Variants in ASCC3 observed in about 807,000 individuals in gnomAD.
The protein encoded by ASCC3 is activating signal cointegrator 1 complex subunit 3, also known as ASC-1 complex subunit P200.
In ASCC3, 158 loss-of-function variants were observed where a neutral mutation model predicts 256.3. That is an observed-to-expected ratio of 0.62 (90% confidence interval 0.54 to 0.70). ASCC3 has a LOEUF of 0.70. Ranked by LOEUF, ASCC3 falls within the 30% of genes least tolerant of loss-of-function variation. The pLI is 0.00. For synonymous variants in ASCC3, 948 were observed against 883.4 expected, an observed-to-expected ratio of 1.07 and a Z score of -1.30; for missense variants, 2,259 against 2,626.0, an observed-to-expected ratio of 0.86 and a Z score of 3.05.
At chr6:100,677,337 T>TAAAAAAAAAA (rs879435725) in intron 14 of ASCC3, among the ~76,000 whole-genome samples, 8 of 147,470 alleles carry the variant, frequency 5.4e-5, no homozygotes, top group South Asian at 2.2e-4. Context: ...CTATTTTATT[T>TAAAAAAAAAA]AAAAAAAAAA....
chr6:100,611,727 T>C (rs1045782784), intron 30 of ASCC3, among the ~76,000 whole-genome samples: 1 of 151,984 alleles, frequency 6.6e-6, no homozygotes, highest in Non-Finnish European at 1.5e-5. Flanking sequence ...TAAAAAATAC[T>C]TGGGTTACCA....
At chr6:100,828,854 T>C (rs1771469589) in intron 4 of ASCC3, among the ~76,000 whole-genome samples, 1 of 152,034 alleles carries the variant, frequency 6.6e-6, no homozygotes, top group South Asian at 2.1e-4. Flanking sequence ...CCAAGCAGGT[T>C]GCCACTGCTA....
intron 13 of ASCC3, among the ~76,000 whole-genome samples, chr6:100,709,274 T>A (rs1448607414): frequency 6.6e-6 from 1 of 152,126 alleles, no homozygotes; most frequent in Non-Finnish European, 1.5e-5. Context: ...AGAAAGATAA[T>A]CACTACAGTA....
chr6:100,678,275 T>C lies in ASCC3; in HGVS notation c.2286+1343A>G, dbSNP rs767102141. ...TTGTCTTTTAAACAGCATAGAGTTGTTTTGTACTTCCAAAGAAATGAAACA... is the reference window on the plus strand; with the variant it reads ...TTGTCTTTTAAACAGCATAGAGTTGCTTTGTACTTCCAAAGAAATGAAACA... On this transcript the variant is annotated intron_variant, in intron 14 of 41. Transcript: ENST00000369162. 3.5e-4 allele frequency among the ~76,000 whole-genome samples: 54 copies of C among 152,230 alleles called. 1 individual carries two copies. Among genetic ancestry groups the C allele is most frequent in the Admixed American group, 1.9e-3 (29 of 15,290 alleles).
chr6:100,704,279 C>G (rs765871886), intron 13 of ASCC3, among the ~76,000 whole-genome samples: 1 of 151,910 alleles, frequency 6.6e-6, no homozygotes, highest in African/African-American at 2.4e-5. Context: ...TCCTTCGACT[C>G]TAGCTTTTAT....
intron 22 of ASCC3, among the ~76,000 whole-genome samples, chr6:100,645,929 G>A (rs1295070103): frequency 6.6e-6 from 1 of 152,066 alleles, no homozygotes; most frequent in Non-Finnish European, 1.5e-5. Flanking sequence ...GGAGAAAGTA[G>A]TCTCAGCAGC....
chr6:100,841,891 C>T (rs1258796638), intron 4 of ASCC3, among the ~76,000 whole-genome samples: 1 of 152,104 alleles, frequency 6.6e-6, no homozygotes, highest in African/African-American at 2.4e-5. Flanking sequence ...ATAAAAGAAG[C>T]TCTTCATTAG....
intron 36 of ASCC3, among the ~76,000 whole-genome samples, chr6:100,586,180 C>A (rs1383468804): frequency 6.6e-6 from 1 of 152,180 alleles, no homozygotes; most frequent in African/African-American, 2.4e-5. Context: ...TGCCCTGTCC[C>A]CAGAGGTGGG....
chr6:100,723,888 A>ATATATATG (rs1554220117), intron 11 of ASCC3, among the ~76,000 whole-genome samples: 10 of 112,918 alleles, frequency 8.9e-5, no homozygotes, highest in African/African-American at 3.3e-4. Context: ...ATATATATAT[A>ATATATATG]TATATATATT....
chr6:100,798,638 A>G (rs981208856), intron 8 of ASCC3, 75 bp downstream of exon 8: 5 of 1,600,820 alleles, frequency 3.1e-6, no homozygotes, highest in Non-Finnish European at 4.2e-6. Flanking sequence ...TTTTAAAACA[A>G]TTTTTCCAGT....
chr6:100,701,776 G>T (rs1778367163), intron 13 of ASCC3, among the ~76,000 whole-genome samples: 1 of 152,132 alleles, frequency 6.6e-6, no homozygotes, highest in African/African-American at 2.4e-5. Flanking sequence ...TTAAAAAAAA[G>T]GGTTTCTCTG....
chr6:100,561,086 T>C (rs1769920205), intron 36 of ASCC3, among the ~76,000 whole-genome samples: 1 of 151,716 alleles, frequency 6.6e-6, no homozygotes, highest in Non-Finnish European at 1.5e-5. Context: ...TACTGATACA[T>C]TGATGTGGTG....
intron 14 of ASCC3, among the ~76,000 whole-genome samples, chr6:100,670,976 C>T (rs985393914): frequency 6.6e-6 from 1 of 151,918 alleles, no homozygotes; most frequent in African/African-American, 2.4e-5. Context: ...ACATATTATA[C>T]AGTTGCAAAA....
At chr6:100,572,512 A>C (rs1770644630) in intron 36 of ASCC3, among the ~76,000 whole-genome samples, 1 of 152,198 alleles carries the variant, frequency 6.6e-6, no homozygotes, top group Non-Finnish European at 1.5e-5. Context: ...ACAACCAATG[A>C]AAAGGGAATA....
At chr6:100,576,160 G>T (rs1770847713) in intron 36 of ASCC3, among the ~76,000 whole-genome samples, 2 of 152,060 alleles carry the variant, frequency 1.3e-5, no homozygotes, top group Non-Finnish European at 2.9e-5. Context: ...AACAGTAGAG[G>T]TGTGAAGCAG....
chr6:100,778,963 T>A (rs1006238030), intron 8 of ASCC3, among the ~76,000 whole-genome samples: 5 of 152,108 alleles, frequency 3.3e-5, no homozygotes, highest in African/African-American at 1.2e-4. Flanking sequence ...GGCAAAAGAA[T>A]CATACACATT....
Position 100,508,429 on chromosome 6 carries a change from A to AT in ASCC3, c.*956dup, listed in dbSNP as rs895823492. ...TAACAAGTTTTTAGTTTGAAAAAGTATTTTTCAAGAAGGAATTTGTTTGGA... is the reference window on the plus strand; with the variant it reads ...TAACAAGTTTTTAGTTTGAAAAAGTATTTTTTCAAGAAGGAATTTGTTTGGA... On this transcript the variant is annotated 3_prime_UTR_variant, in exon 42 of 42. Coordinates refer to ENST00000369162, the MANE Select transcript of ASCC3 (RefSeq NM_006828.4). The AT allele has an allele frequency of 2.4e-4, 36 of 152,264 alleles. No homozygotes were observed. Among genetic ancestry groups the AT allele is most frequent in the South Asian group, 1.4e-3 (7 of 4,830 alleles). 9.4% of individuals were successfully genotyped at this position (152,264 alleles called of 1,614,324 possible).
At position 100,605,704 on chromosome 6, in the gene ASCC3, T is replaced by A. The variant is rs1447529269; in HGVS notation, c.5045-4A>T. The A allele has an allele frequency of 6.2e-7, 1 of 1,613,222 alleles. No homozygotes were observed. Among genetic ancestry groups the A allele is most frequent in the African/African-American group, 1.3e-5 (1 of 74,996 alleles). On this transcript the variant is annotated splice_polypyrimidine_tract_variant and splice_region_variant and intron_variant, in intron 32 of 41. Coordinates refer to ENST00000369162, the MANE Select transcript of ASCC3 (RefSeq NM_006828.4). ...CGCCCCATCATCTGGAGGACATCTTTAAAAGAGAGAACAAAGAGATATTCT... is the reference window on the plus strand; with the variant it reads ...CGCCCCATCATCTGGAGGACATCTTAAAAAGAGAGAACAAAGAGATATTCT...
At chr6:100,671,608 G>C (rs1006891123) in intron 14 of ASCC3, among the ~76,000 whole-genome samples, 3 of 151,878 alleles carry the variant, frequency 2.0e-5, no homozygotes, top group Non-Finnish European at 4.4e-5. Flanking sequence ...TTCCACACAG[G>C]GCTTTATAGT....
Sources: gnomAD v4.1 joint callset for allele counts (sites outside exome capture counted in the v4.1 genomes callset) on GRCh38, gnomAD v4.1.1 for gene constraint, MANE v1.5 for transcripts, NCBI Gene and HGNC (gene_info 2026-07-23, HGNC 2026-07-21) for gene names.